The following EVI5 variants were observed in gnomAD, a reference collection of about 807,000 sequenced individuals.
EVI5 encodes the protein ecotropic viral integration site 5.
EVI5 carries 73 observed loss-of-function variants against 112.0 expected under a neutral mutation model. The observed-to-expected ratio is 0.65, with a 90% confidence interval of 0.54 to 0.79. The LOEUF (loss-of-function observed/expected upper bound fraction) is 0.79, where lower values mean the gene tolerates loss of function less well. Ranked by LOEUF, EVI5 falls within the 30% of genes least tolerant of loss-of-function variation. The pLI, the probability that EVI5 is intolerant of heterozygous loss-of-function variation, is 0.00. For missense variants in EVI5, 900 were observed against 968.8 expected, an observed-to-expected ratio of 0.93 and a Z score of 0.94; for synonymous variants, 305 against 319.9, an observed-to-expected ratio of 0.95 and a Z score of 0.50.
chr1:92,551,307 C>T (rs1274703946), intron 19 of EVI5, among the ~76,000 whole-genome samples: 4 of 151,946 alleles, frequency 2.6e-5, no homozygotes, highest in Non-Finnish European at 4.4e-5. Context: ...GGATTACAGG[C>T]GTGAGCCACT....
chr1:92,747,960 C>T lies in EVI5; in HGVS notation c.-81-11333G>A, dbSNP rs552792025. 1.2e-4 allele frequency among the ~76,000 whole-genome samples: 19 copies of T among 152,252 alleles called. 1 individual carries two copies. In the South Asian group the frequency reaches 3.7e-3, roughly 30 times the overall value. On this transcript the variant is annotated intron_variant, in intron 1 of 19. Coordinates refer to ENST00000684568, the MANE Select transcript of EVI5 (RefSeq NM_001350197.2). ...CATGATCACATGACATTCTCCCCTC[C>T]AGTGACTGTATCTTCCCTAATTACA...
chr1:92,521,215 G>A (rs1660876371), intron 19 of EVI5, among the ~76,000 whole-genome samples: 1 of 151,932 alleles, frequency 6.6e-6, no homozygotes, highest in South Asian at 2.1e-4. Flanking sequence ...ACCCACCTTT[G>A]CCTCTCAAAG....
chr1:92,659,177 G>C (rs746930277), intron 13 of EVI5, among the ~76,000 whole-genome samples: 12 of 152,088 alleles, frequency 7.9e-5, no homozygotes, highest in Non-Finnish European at 1.8e-4. Context: ...GAACCTATCT[G>C]CTCATTGGCC....
At chr1:92,517,049 T>A (rs1660021156) in intron 19 of EVI5, among the ~76,000 whole-genome samples, 1 of 152,180 alleles carries the variant, frequency 6.6e-6, no homozygotes, top group Non-Finnish European at 1.5e-5. Flanking sequence ...TTTTGAAAAG[T>A]GAAATCCCAG....
chr1:92,737,699 A>C (rs1677677466), intron 1 of EVI5, among the ~76,000 whole-genome samples: 1 of 152,074 alleles, frequency 6.6e-6, no homozygotes, highest in African/African-American at 2.4e-5. Flanking sequence ...TCCTGCCCTC[A>C]ATATATACAT....
chr1:92,590,150 C>T (rs1673561127), intron 18 of EVI5, among the ~76,000 whole-genome samples: 1 of 152,142 alleles, frequency 6.6e-6, no homozygotes. Flanking sequence ...GTAGATAAAA[C>T]CACAAAGATG....
upstream of EVI5, chr1:92,785,178 A>G: frequency 1.1e-6 from 1 of 908,474 alleles, no homozygotes; most frequent in South Asian, 5.0e-5. Context: ...GGAGCAGGTT[A>G]GGGGCCGGGC....
chr1:92,550,885 A>G (rs1404955147), intron 19 of EVI5, among the ~76,000 whole-genome samples: 1 of 139,378 alleles, frequency 7.2e-6, no homozygotes, highest in Admixed American at 7.3e-5. Flanking sequence ...GATTAAGAAA[A>G]TCAATATTCA....
At chr1:92,600,197 G>A (rs1648821589) in intron 18 of EVI5, among the ~76,000 whole-genome samples, 2 of 152,174 alleles carry the variant, frequency 1.3e-5, no homozygotes, top group Non-Finnish European at 2.9e-5. Flanking sequence ...ATGCAAAACT[G>A]AGAAGCTGGG....
intron 10 of EVI5, among the ~76,000 whole-genome samples, chr1:92,674,013 G>A (rs1282421910): frequency 6.6e-6 from 1 of 152,160 alleles, no homozygotes; most frequent in Non-Finnish European, 1.5e-5. Context: ...CCAATGGGCT[G>A]TAAAAATAAT....
intron 1 of EVI5, among the ~76,000 whole-genome samples, chr1:92,771,416 CCA>C (rs10604466): frequency 0.03 from 4,542 of 151,932 alleles, 204 homozygotes; most frequent in African/African-American, 0.095. Context: ...ATCTTTTCCT[CCA>C]CAGTGTTCAC....
chr1:92,785,352 G>T (rs1685512003), upstream of EVI5, among the ~76,000 whole-genome samples: 1 of 152,188 alleles, frequency 6.6e-6, no homozygotes, highest in South Asian at 2.1e-4. Context: ...TAAAACGGTA[G>T]AAGACACACC....
At chr1:92,710,536 C>G (rs1245298029) in intron 2 of EVI5, among the ~76,000 whole-genome samples, 1 of 152,188 alleles carries the variant, frequency 6.6e-6, no homozygotes, top group Non-Finnish European at 1.5e-5. Flanking sequence ...CTGGCCATTT[C>G]TAATATTCCA....
chr1:92,552,285 T>A (rs1341658120), intron 19 of EVI5, among the ~76,000 whole-genome samples: 7 of 152,182 alleles, frequency 4.6e-5, no homozygotes, highest in Non-Finnish European at 1.0e-4. Context: ...CTGAATAAGA[T>A]AATCTTTGCT....
chr1:92,573,750 C>T (rs9651256), intron 18 of EVI5, among the ~76,000 whole-genome samples: 140,118 of 152,106 alleles, frequency 0.92, 64,628 homozygotes, highest in East Asian at 0.97. Context: ...CTCAAATCCC[C>T]TTCTTGGTTA....
rs139974103 is a variant in EVI5, at chr1:92,663,252, C to A, written c.1245+168G>T. Among the ~76,000 whole-genome samples, 1,045 of 152,140 alleles carry A rather than the reference C, an allele frequency of 6.9e-3. 18 individuals are homozygous for A. Among genetic ancestry groups the A allele is most frequent in the African/African-American group, 0.024 (999 of 41,514 alleles). On this transcript the variant is annotated intron_variant, in intron 12 of 19. Transcript: ENST00000684568. The stretch of plus-strand genomic sequence containing the variant: ...CGTGCAAAAATAAACCAAGATAACA[C>A]CTTGTTACAAAAAATTAAATTTATA...
At chr1:92,652,715 G>A (rs1662339843) in intron 13 of EVI5, among the ~76,000 whole-genome samples, 1 of 152,190 alleles carries the variant, frequency 6.6e-6, no homozygotes, top group Non-Finnish European at 1.5e-5. Flanking sequence ...TGGGGAGAGG[G>A]TTCGAGATGA....
intron 19 of EVI5, among the ~76,000 whole-genome samples, chr1:92,540,861 G>T (rs920457300): frequency 6.6e-6 from 1 of 152,100 alleles, no homozygotes; most frequent in Non-Finnish European, 1.5e-5. Flanking sequence ...ATCACCTGAG[G>T]TCAGGAGTTT....
chr1:92,735,576 T>C (rs1300725475), intron 2 of EVI5, among the ~76,000 whole-genome samples: 2 of 147,622 alleles, frequency 1.4e-5, no homozygotes, highest in Non-Finnish European at 3.0e-5. Context: ...TGCTCTTCCA[T>C]ATGTATATAA....
Sources: allele counts gnomAD v4.1 joint callset (sites outside exome capture counted in the v4.1 genomes callset), GRCh38; gene constraint gnomAD v4.1.1; transcripts MANE v1.5; gene names NCBI Gene and HGNC (gene_info 2026-07-23, HGNC 2026-07-21).